DNAAF3: variants seen among roughly 807,000 people sequenced by gnomAD.
The protein encoded by DNAAF3 is UPF0470 protein C19orf51.
A neutral mutation model predicts 50.9 loss-of-function variants in DNAAF3; 40 were observed. The observed-to-expected ratio is 0.79, with a 90% confidence interval of 0.61 to 1.02. The LOEUF is 1.02. Among genes scored for constraint, DNAAF3 ranks in the 50% least tolerant of loss-of-function variants. The probability of loss-of-function intolerance (pLI) is 0.00; values close to 1 mark genes in which losing one functional copy is unlikely to be tolerated. For missense variants in DNAAF3, 763 were observed against 744.7 expected (o/e 1.02, Z -0.29); for synonymous variants, 327 against 322.8 (o/e 1.01, Z -0.14).
Position 55,166,010 on chromosome 19 carries a change from T to C in DNAAF3, c.86-10A>G. 1 of 1,614,222 alleles carries C rather than the reference T, an allele frequency of 6.2e-7. No homozygotes were observed. Among genetic ancestry groups the C allele is most frequent in the South Asian group, 1.1e-5 (1 of 91,084 alleles). On this transcript the variant is annotated splice_polypyrimidine_tract_variant and intron_variant, in intron 2 of 11. Coordinates refer to ENST00000524407, the MANE Select transcript of DNAAF3 (RefSeq NM_001256715.2). The surrounding 1 kb of genome is among the most constrained non-coding windows in gnomAD (Gnocchi z 4.0). Reference sequence around the variant, plus strand: ...GGGTCCACAGGAGGACCTGGCAAGATGACAGCTGGCTGGGGCACCATGGTG... The same window carrying C: ...GGGTCCACAGGAGGACCTGGCAAGACGACAGCTGGCTGGGGCACCATGGTG...
Position 55,160,355 on chromosome 19 carries a change from C to G in DNAAF3, c.1048+285G>C, listed in dbSNP as rs1342610456. On this transcript the variant is annotated intron_variant, in intron 9 of 11. Transcript: ENST00000524407. The surrounding 1 kb of genome is among the most constrained non-coding windows in gnomAD (Gnocchi z 4.7). ...GGCTGGAAGGAGGCCCAGCCAGGAT[C>G]CAGGGTGTGGGAGGCTGTCCAAGGG... Among the ~76,000 whole-genome samples, 1 of 152,130 alleles carries G rather than the reference C, an allele frequency of 6.6e-6. No individual in the cohort carries two copies. Among genetic ancestry groups the G allele is most frequent in the Non-Finnish European group, 1.5e-5 (1 of 68,016 alleles).
In DNAAF3 at chr19:55,166,045, G is replaced by A; in HGVS notation, c.86-45C>T. ...CTGGGGCACCATGGTGGTTGGCAGA[G>A]CGTCCACCGTAGCATCCCCTATAAA... On this transcript the variant is annotated intron_variant, in intron 2 of 11. Coordinates refer to ENST00000524407, the MANE Select transcript of DNAAF3 (RefSeq NM_001256715.2). The surrounding 1 kb of genome is among the most constrained non-coding windows in gnomAD (Gnocchi z 4.0). The A allele has an allele frequency of 6.2e-7, 1 of 1,614,094 alleles. No homozygotes were observed. The highest frequency in any genetic ancestry group is 2.2e-5 in the East Asian group (1 of 44,874).
In DNAAF3 at chr19:55,162,675, G is replaced by C; in HGVS notation, c.323-385C>G. 3 of 992,854 alleles carry C rather than the reference G, an allele frequency of 3.0e-6. No individual in the cohort carries two copies. In the South Asian group the frequency reaches 1.4e-4, roughly 47 times the overall value. 61.5% of individuals were successfully genotyped at this position (992,854 alleles called of 1,614,324 possible). A position where few individuals can be genotyped will look rare whatever the true frequency, so the allele number is the denominator to read the frequency against. On this transcript the variant is annotated intron_variant, in intron 4 of 11. Transcript: ENST00000524407. ...CAGACAGAGAATATTTGGGGGAAAA[G>C]ATAACAACACAACAGTAAAAAATAA...
Position 55,165,610 on chromosome 19 carries a change from C to T in DNAAF3, c.229-147G>A, listed in dbSNP as rs112936049. 522 of 957,120 alleles carry T rather than the reference C, an allele frequency of 5.5e-4. 1 individual carries two copies. In the African/African-American group the frequency reaches 8.1e-3, roughly 15 times the overall value. The allele number at this position is 957,120 out of a possible 1,614,324, so 59.3% of individuals were successfully genotyped here. On this transcript the variant is annotated intron_variant, in intron 3 of 11. Transcript: ENST00000524407. ...CCTTCAAACACAGAAGTCTGTGTCC[C>T]CAGAGCTCTCTTCCCTTCCATTACT...
At chr19:55,165,305 G>A in intron 4 of DNAAF3, 65 bp downstream of exon 4, 3 of 1,463,324 alleles carry the variant, frequency 2.1e-6, no homozygotes, top group Non-Finnish European at 2.9e-6. Flanking sequence ...CCATTGAAAT[G>A]CCAGAATCCC....
rs919280072 is a variant in DNAAF3 at position 55,166,150 on chromosome 19, A to G, written c.86-150T>C. ...AGGTGTTTCCTCTGAGTATTCTGGGATTCGCAGTCCGCAGACAGGACCTCG... is the reference window on the plus strand; with the variant it reads ...AGGTGTTTCCTCTGAGTATTCTGGGGTTCGCAGTCCGCAGACAGGACCTCG... On this transcript the variant is annotated intron_variant, in intron 2 of 11. Transcript: ENST00000524407. The surrounding 1 kb of genome is among the most constrained non-coding windows in gnomAD (Gnocchi z 4.0). 1.8e-5 allele frequency: 28 copies of G among 1,554,792 alleles called. No individual in the cohort carries two copies. Among genetic ancestry groups the G allele is most frequent in the Non-Finnish European group, 2.3e-5 (27 of 1,150,552 alleles).
intron 4 of DNAAF3, 40 bp downstream of exon 4, chr19:55,165,330 G>A: frequency 6.4e-7 from 1 of 1,571,594 alleles, no homozygotes; most frequent in South Asian, 1.1e-5. Flanking sequence ...GGGAGGGGGA[G>A]GAGACCAGCG....
At chr19:55,166,661 C>A, upstream of DNAAF3, 1 of 1,607,510 alleles carries the variant, frequency 6.2e-7, no homozygotes, top group Non-Finnish European at 8.5e-7. This position sits in a 1 kb window ranked among gnomAD's most constrained non-coding sequence, Gnocchi z 4.0. Flanking sequence ...GGGATGGGAC[C>A]ACAGCGAGCA....
At position 55,159,046 on chromosome 19, in the gene DNAAF3, G is replaced by C. The variant is rs1599915657; in HGVS notation, c.*16C>G. ...TGACTTTGGAAGTTGGAGATAAGGG[G>C]TGTCTAGGGGTTGGGTCAGACTCCA... On this transcript the variant is annotated 3_prime_UTR_variant, in exon 12 of 12. Coordinates refer to ENST00000524407, the MANE Select transcript of DNAAF3 (RefSeq NM_001256715.2). 3 of 1,555,144 alleles carry C rather than the reference G, an allele frequency of 1.9e-6. No homozygotes were observed. The highest frequency in any genetic ancestry group is 2.6e-6 in the Non-Finnish European group (3 of 1,152,054).
intron 4 of DNAAF3, chr19:55,162,802 G>T: frequency 5.9e-6 from 3 of 512,730 alleles, no homozygotes; most frequent in Non-Finnish European, 7.5e-6. Context: ...CAGGCTATTT[G>T]TAAGTACATC....
At position 55,162,210 on chromosome 19, in the gene DNAAF3, C is replaced by T. The variant is rs773052536; in HGVS notation, c.403G>A (p.Asp135Asn). ...PVAAFVRAQA[D>N]LLAHLVPEPD... ...TCGGGGACCAGGTGCGCCAGCAGGT[C>T]GGCCTGGGCACGCACGAAGGCGGCC... The change falls in exon 5 of 12, where the codon GAC becomes AAC. Residue 135 changes from aspartate (D) to asparagine (N), a missense_variant. By Grantham distance (23) the Asp-to-Asn change is conservative. Transcript: ENST00000524407. 9.6e-6 allele frequency: 12 copies of T among 1,253,612 alleles called. No homozygotes were observed. The highest frequency in any genetic ancestry group is 3.1e-5 in the African/African-American group (2 of 64,642). The allele number at this position is 1,253,612 out of a possible 1,614,324, so 77.7% of individuals were successfully genotyped here. A position where few individuals can be genotyped will look rare whatever the true frequency, so the allele number is the denominator to read the frequency against.
intron 10 of DNAAF3, 78 bp from the exon 11 acceptor site, chr19:55,159,685 T>C (rs2147291307): frequency 6.3e-7 from 1 of 1,598,846 alleles, no homozygotes; most frequent in East Asian, 2.2e-5. Context: ...TCCCAGACAA[T>C]GAGGGAGGAG....
rs1303750814 is a variant in DNAAF3, at chr19:55,161,665, C to A, written c.641G>T (p.Arg214Leu). The A allele has an allele frequency of 2.6e-6, 4 of 1,539,042 alleles. No individual in the cohort carries two copies. Among genetic ancestry groups the A allele is most frequent in the Non-Finnish European group, 3.5e-6 (4 of 1,146,340 alleles). Reference protein sequence around the residue: ...ARRGVSDWDLRMKLHDRGAQV... With the variant: ...ARRGVSDWDLLMKLHDRGAQV... ...CACCCCGCGGTCATGCAGCTTCATGCGCAGGTCCCAGTCGCTGACACCGCG... is the reference window on the plus strand; with the variant it reads ...CACCCCGCGGTCATGCAGCTTCATGAGCAGGTCCCAGTCGCTGACACCGCG... Residue 214 changes from arginine (R) to leucine (L), a missense_variant, in exon 6 of 12, where the codon CGC becomes CTC. Coordinates refer to ENST00000524407, the MANE Select transcript of DNAAF3 (RefSeq NM_001256715.2). The surrounding 1 kb of genome is among the most constrained non-coding windows in gnomAD (Gnocchi z 6.4).
rs1195848335 is a variant in DNAAF3, at chr19:55,161,426, G to A, written c.664-8C>T. ...GGGGTGAATGACTTGAGCCTGGGGTGGGGGGCGGGAAGAAGGGAGCCCTCA... is the reference window on the plus strand; with the variant it reads ...GGGGTGAATGACTTGAGCCTGGGGTAGGGGGCGGGAAGAAGGGAGCCCTCA... On this transcript the variant is annotated splice_polypyrimidine_tract_variant and splice_region_variant and intron_variant, in intron 6 of 11. Transcript: ENST00000524407. This position sits in a 1 kb window ranked among gnomAD's most constrained non-coding sequence, Gnocchi z 6.4. 1.7e-6 allele frequency: 1 copy of A among 599,750 alleles called. No homozygotes were observed. Among genetic ancestry groups the A allele is most frequent in the Non-Finnish European group, 2.9e-6 (1 of 350,428 alleles). 37.2% of individuals were successfully genotyped at this position (599,750 alleles called of 1,614,324 possible).
At chr19:55,159,647 A>G (rs772055545) in intron 10 of DNAAF3, 40 bp from the exon 11 acceptor site, 7 of 1,611,702 alleles carry the variant, frequency 4.3e-6, no homozygotes, top group Non-Finnish European at 5.9e-6. Context: ...TTCAGCTCCA[A>G]ATCCGGAGGG....
At chr19:55,165,810 TC>T in intron 3 of DNAAF3, 47 bp downstream of exon 3, 1 of 1,595,090 alleles carries the variant, frequency 6.3e-7, no homozygotes, top group Non-Finnish European at 8.5e-7. Flanking sequence ...AATCCCTTCC[TC>T]CCTCAAGGAC....
chr19:55,159,938 C>T lies in DNAAF3; in HGVS notation c.1124G>A (p.Cys375Tyr), dbSNP rs549436949. Residue 375 changes from cysteine (C) to tyrosine (Y), a missense_variant, in exon 10 of 12, where the codon TGC (cysteine) becomes TAC (tyrosine). Cys to Tyr is a radical substitution (Grantham distance 194, BLOSUM62 -2). Coordinates refer to ENST00000524407, the MANE Select transcript of DNAAF3 (RefSeq NM_001256715.2). Reference protein sequence around the residue: ...NSAQTLHHKSCYNGRFQLLYV... With the variant: ...NSAQTLHHKSYYNGRFQLLYV... ...GAGGAGCTGGAATCGGCCGTTGTAG[C>T]AGCTCTTGTGGTGGAGAGTCTGAGC... The T allele has an allele frequency of 3.4e-4, 541 of 1,613,888 alleles. 6 individuals are homozygous for T. In the South Asian group the frequency reaches 5.6e-3, roughly 17 times the overall value.
intron 4 of DNAAF3, among the ~76,000 whole-genome samples, chr19:55,163,932 A>G (rs1169773300): frequency 1.3e-5 from 2 of 152,106 alleles, no homozygotes; most frequent in African/African-American, 2.4e-5. Flanking sequence ...AATCCCCAAT[A>G]TTGGAGGCGG....
intron 4 of DNAAF3, 76 bp downstream of exon 4, chr19:55,165,294 A>G: frequency 1.4e-6 from 2 of 1,384,598 alleles, no homozygotes; most frequent in Admixed American, 1.7e-5. Context: ...TTTTAATTGT[A>G]CCATTGAAAT....
Sources: gnomAD v4.1 joint callset for allele counts (sites outside exome capture counted in the v4.1 genomes callset) on GRCh38, gnomAD v4.1.1 for gene constraint, Gnocchi (gnomAD v3.1) non-coding constraint, MANE v1.5 for transcripts, NCBI Gene and HGNC (gene_info 2026-07-23, HGNC 2026-07-21) for gene names.